Variants in SLC66A1 observed in about 807,000 individuals in gnomAD.
SLC66A1 encodes lysosomal amino acid transporter 1 homolog.
Under a neutral mutation model 33.0 loss-of-function variants are expected in SLC66A1, and 23 were observed. The ratio of observed to expected loss-of-function variants is 0.70; its 90% CI spans 0.50 to 0.99. The LOEUF (loss-of-function observed/expected upper bound fraction) is 0.99, where lower values mean the gene tolerates loss of function less well. Ranked by LOEUF, SLC66A1 falls within the 50% of genes least tolerant of loss-of-function variation. The pLI is 0.00. For synonymous variants in SLC66A1, 164 were observed against 175.5 expected, an observed-to-expected ratio of 0.93 and a Z score of 0.52; for missense variants, 335 against 383.6, an observed-to-expected ratio of 0.87 and a Z score of 1.06.
chr1:19,318,589 A>G (rs1180049082), intron 2 of SLC66A1, among the ~76,000 whole-genome samples: 1 of 152,178 alleles, frequency 6.6e-6, no homozygotes, highest in Non-Finnish European at 1.5e-5. Context: ...CTAGTATTTC[A>G]TTACATGAAG....
chr1:19,331,486 T>C (rs1206449560), downstream of SLC66A1, among the ~76,000 whole-genome samples: 1 of 152,164 alleles, frequency 6.6e-6, no homozygotes, highest in Non-Finnish European at 1.5e-5. Flanking sequence ...TGGGGGCCCA[T>C]GGCTTGTGGC....
Position 19,328,135 on chromosome 1 carries a change from C to T in SLC66A1, c.805-437C>T, listed in dbSNP as rs1442710805. The T allele has an allele frequency of 6.8e-6, 2 of 296,132 alleles. No individual in the cohort carries two copies. The highest frequency in any genetic ancestry group is 4.4e-5 in the African/African-American group (2 of 45,022). The allele number at this position is 296,132 out of a possible 1,614,324, so 18.3% of individuals were successfully genotyped here. Reference sequence around the variant, plus strand: ...TGCTGAATGGCTGTAAAGAGCGTTACCTGGGTCTCATTTCGGAGCAAGTAA... The same window carrying T: ...TGCTGAATGGCTGTAAAGAGCGTTATCTGGGTCTCATTTCGGAGCAAGTAA... On this transcript the variant is annotated intron_variant, in intron 7 of 7. Transcript: ENST00000375153. The surrounding 1 kb of genome is among the most constrained non-coding windows in gnomAD (Gnocchi z 4.7).
At chr1:19,332,019 G>A (rs2093893867), downstream of SLC66A1, among the ~76,000 whole-genome samples, 1 of 152,180 alleles carries the variant, frequency 6.6e-6, no homozygotes. Flanking sequence ...AGGCGATACA[G>A]CCCCTACCTT....
intron 1 of SLC66A1, chr1:19,313,288 C>T (rs2093787107): frequency 2.1e-6 from 2 of 973,158 alleles, no homozygotes; most frequent in South Asian, 4.8e-5. Context: ...TTCCTTTCTC[C>T]TTTCCTTCCT....
chr1:19,325,636 TGTGG>T, intron 4 of SLC66A1, 54 bp downstream of exon 4: 2 of 374,854 alleles, frequency 5.3e-6, no homozygotes, highest in East Asian at 3.6e-5. Context: ...AGGGGGCAGT[TGTGG>T]GGGGGGGCGC....
chr1:19,328,105 G>C lies in SLC66A1; in HGVS notation c.805-467G>C. The C allele has an allele frequency of 2.6e-5, 7 of 269,126 alleles. No homozygotes were observed. The South Asian group carries it at 2.7e-4, about 10-fold the overall frequency. The allele number at this position is 269,126 out of a possible 1,614,324, so 16.7% of individuals were successfully genotyped here. ...CCCGTTTTCAGTGAGGGCTCAGAAAGTGTTTGCTGAATGGCTGTAAAGAGC... is the reference window on the plus strand; with the variant it reads ...CCCGTTTTCAGTGAGGGCTCAGAAACTGTTTGCTGAATGGCTGTAAAGAGC... On this transcript the variant is annotated intron_variant, in intron 7 of 7. Transcript: ENST00000375153. The surrounding 1 kb of genome is among the most constrained non-coding windows in gnomAD (Gnocchi z 4.7).
intron 2 of SLC66A1, among the ~76,000 whole-genome samples, chr1:19,321,197 A>C (rs1569768324): frequency 1.1e-5 from 1 of 91,884 alleles, no homozygotes; most frequent in South Asian, 3.7e-4. Context: ...TTTTTGAGAC[A>C]CGGTCATACT....
intron 1 of SLC66A1, among the ~76,000 whole-genome samples, chr1:19,315,889 T>G (rs911779808): frequency 2.6e-5 from 4 of 152,150 alleles, no homozygotes; most frequent in African/African-American, 9.7e-5. Flanking sequence ...CGCTGGCACA[T>G]CACTTCCGCA....
chr1:19,318,786 CAAA>C (rs34811529), intron 2 of SLC66A1, among the ~76,000 whole-genome samples: 104 of 131,784 alleles, frequency 7.9e-4, no homozygotes, highest in African/African-American at 1.3e-3. Context: ...CCATCTCTAC[CAAA>C]AAAAAAAAAA....
intron 2 of SLC66A1, among the ~76,000 whole-genome samples, chr1:19,321,437 C>T (rs1450323156): frequency 6.7e-6 from 1 of 149,666 alleles, no homozygotes; most frequent in Admixed American, 6.6e-5. Flanking sequence ...GTCTCAGCCT[C>T]CAAAGTGTTG....
At position 19,312,805 on chromosome 1, in the gene SLC66A1, G is replaced by C. The variant is rs1156236256; in HGVS notation, c.-163G>C. 1 of 152,978 alleles carries C rather than the reference G, an allele frequency of 6.5e-6. No individual in the cohort carries two copies. The highest frequency in any genetic ancestry group is 1.5e-5 in the Non-Finnish European group (1 of 68,276). 9.5% of individuals were successfully genotyped at this position (152,978 alleles called of 1,614,324 possible). ...GAGGCCTGGAGTGGGTGGTAGCCCC[G>C]AGCTGGGACGCTCCTCCCTCCACAA... On this transcript the variant is annotated 5_prime_UTR_variant, in exon 1 of 8. Transcript: ENST00000375153.
At chr1:19,323,047 A>AT (rs965658845) in intron 2 of SLC66A1, among the ~76,000 whole-genome samples, 57 of 147,694 alleles carry the variant, frequency 3.9e-4, no homozygotes, top group Middle Eastern at 7.1e-3. Flanking sequence ...CACTTGGCTA[A>AT]TTTTTTTTTT....
intron 1 of SLC66A1, among the ~76,000 whole-genome samples, chr1:19,316,179 G>A (rs12138571): frequency 0.31 from 46,944 of 152,114 alleles, 7,376 homozygotes; most frequent in Middle Eastern, 0.36. Context: ...TTGTGACGGT[G>A]GGGAGGTGGC....
intron 2 of SLC66A1, among the ~76,000 whole-genome samples, chr1:19,320,473 G>T (rs1238166807): frequency 6.8e-6 from 1 of 148,012 alleles, no homozygotes; most frequent in Admixed American, 6.7e-5. Context: ...GAGAGCGGTG[G>T]TGCGATCTCG....
At chr1:19,314,709 G>A (rs1213643044) in intron 1 of SLC66A1, among the ~76,000 whole-genome samples, 1 of 152,222 alleles carries the variant, frequency 6.6e-6, no homozygotes, top group Admixed American at 6.5e-5. Flanking sequence ...TGTCAAATGA[G>A]CACAGTATAC....
chr1:19,326,648 G>T, intron 6 of SLC66A1, 25 bp downstream of exon 6: 1 of 1,610,756 alleles, frequency 6.2e-7, no homozygotes, highest in Non-Finnish European at 8.5e-7. Flanking sequence ...GGGGCTGGGT[G>T]GGGCCGAGTA....
chr1:19,322,630 G>A (rs530060310), intron 2 of SLC66A1, among the ~76,000 whole-genome samples: 22 of 152,292 alleles, frequency 1.4e-4, no homozygotes, highest in Admixed American at 1.3e-4. Context: ...AGCGGAGCTC[G>A]TGTCGGGGAG....
At chr1:19,321,806 G>A (rs114891776) in intron 2 of SLC66A1, among the ~76,000 whole-genome samples, 6,036 of 141,324 alleles carry the variant, frequency 0.043, 234 homozygotes, top group Middle Eastern at 0.063. Context: ...ACCTCAGGTG[G>A]TCTACCTGCC....
At chr1:19,325,731 G>A (rs172515) in intron 4 of SLC66A1, 149 bp downstream of exon 4, 3 of 704,168 alleles carry the variant, frequency 4.3e-6, no homozygotes, top group Admixed American at 2.6e-5. Context: ...CCTTATCTAA[G>A]AGCCTGAGCC....
Sources: allele counts gnomAD v4.1 joint callset (sites outside exome capture counted in the v4.1 genomes callset), GRCh38; gene constraint gnomAD v4.1.1; non-coding constraint Gnocchi (gnomAD v3.1); transcripts MANE v1.5; gene names NCBI Gene and HGNC (gene_info 2026-07-23, HGNC 2026-07-21).